LOC400499: variants seen among roughly 807,000 people sequenced by gnomAD.
chr16:11,445,240 G>C, the LOC400499 span, among the ~76,000 whole-genome samples: 1 of 152,072 alleles, frequency 6.6e-6, no homozygotes, highest in South Asian at 2.1e-4. Context: ...GGCCAACATG[G>C]TAAAACCCAG....
chr16:11,526,256 AC>A, the LOC400499 span, among the ~76,000 whole-genome samples: 5 of 152,206 alleles, frequency 3.3e-5, no homozygotes, highest in Middle Eastern at 6.3e-3. Flanking sequence ...TAAACAAAAA[AC>A]CAATACTCAA....
chr16:11,384,016 G>A, the LOC400499 span: 1 of 1,231,798 alleles, frequency 8.1e-7, no homozygotes, highest in Non-Finnish European at 1.0e-6. Flanking sequence ...CACCTGGCAG[G>A]ATGGATGCAA....
At chr16:11,511,568 C>T in the LOC400499 span, among the ~76,000 whole-genome samples, 6 of 152,176 alleles carry the variant, frequency 3.9e-5, no homozygotes, top group African/African-American at 1.4e-4. Flanking sequence ...AAACACCGTG[C>T]TGAGTGAAAA....
At chr16:11,379,369 T>G in the LOC400499 span, among the ~76,000 whole-genome samples, 1 of 152,226 alleles carries the variant, frequency 6.6e-6, no homozygotes, top group African/African-American at 2.4e-5. Context: ...GCATGTACAT[T>G]TATAACTGTT....
the LOC400499 span, among the ~76,000 whole-genome samples, chr16:11,404,537 G>T: frequency 6.6e-6 from 1 of 152,176 alleles, no homozygotes; most frequent in East Asian, 1.9e-4. Flanking sequence ...AGTAGAGATG[G>T]GGTTTCACCA....
the LOC400499 span, chr16:11,477,888 G>A: frequency 1.3e-5 from 5 of 398,932 alleles, no homozygotes; most frequent in African/African-American, 6.2e-5. Context: ...CCTCGGACCC[G>A]GATGCTGATG....
chr16:11,408,733 G>C, the LOC400499 span, among the ~76,000 whole-genome samples: 2 of 152,246 alleles, frequency 1.3e-5, no homozygotes, highest in East Asian at 3.9e-4. Context: ...AAAGTGTTGT[G>C]ATTATGAGTG....
the LOC400499 span, among the ~76,000 whole-genome samples, chr16:11,432,933 G>C: frequency 6.6e-6 from 1 of 152,194 alleles, no homozygotes; most frequent in African/African-American, 2.4e-5. Context: ...ACTACTTTGA[G>C]CAGCTTCCCA....
At chr16:11,387,623 T>G in the LOC400499 span, among the ~76,000 whole-genome samples, 1 of 138,468 alleles carries the variant, frequency 7.2e-6, no homozygotes, top group African/African-American at 2.5e-5. Context: ...GGACAGGAGC[T>G]GGAAGGTCTA....
At chr16:11,424,436 G>A in the LOC400499 span, 1 of 398,852 alleles carries the variant, frequency 2.5e-6, no homozygotes, top group East Asian at 3.6e-5. Context: ...GAACATGACG[G>A]GGGCCTGGCC....
the LOC400499 span, among the ~76,000 whole-genome samples, chr16:11,432,868 C>A: frequency 3.9e-5 from 6 of 152,210 alleles, no homozygotes; most frequent in Non-Finnish European, 8.8e-5. Context: ...GCCAAATCTT[C>A]AGCTGAGCTC....
the LOC400499 span, among the ~76,000 whole-genome samples, chr16:11,435,092 G>A: frequency 1.5e-3 from 227 of 152,108 alleles, no homozygotes; most frequent in African/African-American, 5.3e-3. Flanking sequence ...CAATCCTCTC[G>A]CCTCAGCCTC....
the LOC400499 span, among the ~76,000 whole-genome samples, chr16:11,395,132 G>A: frequency 6.6e-6 from 1 of 152,194 alleles, no homozygotes; most frequent in African/African-American, 2.4e-5. Flanking sequence ...GTTGGCCCTG[G>A]ATGGCTCCCA....
the LOC400499 span, among the ~76,000 whole-genome samples, chr16:11,427,751 G>A: frequency 6.6e-6 from 1 of 152,290 alleles, no homozygotes; most frequent in East Asian, 1.9e-4. Flanking sequence ...CAGCTGAGAT[G>A]TGCACATTTC....
chr16:11,518,410 G>A, the LOC400499 span, among the ~76,000 whole-genome samples: 4 of 152,126 alleles, frequency 2.6e-5, no homozygotes, highest in African/African-American at 9.7e-5. Flanking sequence ...GGTCACAAAA[G>A]AGGGGCTTAG....
chr16:11,449,821 C>T, the LOC400499 span, among the ~76,000 whole-genome samples: 1 of 152,232 alleles, frequency 6.6e-6, no homozygotes, highest in Non-Finnish European at 1.5e-5. Flanking sequence ...CTTTCCTTCA[C>T]TCCTTCCCCA....
chr16:11,447,199 C>G, the LOC400499 span, among the ~76,000 whole-genome samples: 1 of 152,230 alleles, frequency 6.6e-6, no homozygotes, highest in African/African-American at 2.4e-5. Flanking sequence ...TGGTGTCACA[C>G]AGACTGGGAT....
At chr16:11,426,540 G>C in the LOC400499 span, among the ~76,000 whole-genome samples, 1 of 152,004 alleles carries the variant, frequency 6.6e-6, no homozygotes, top group Middle Eastern at 3.4e-3. Flanking sequence ...ATGAGAACAA[G>C]GTAAGAATTT....
At chr16:11,493,697 C>T in the LOC400499 span, 1 of 397,238 alleles carries the variant, frequency 2.5e-6, no homozygotes. Context: ...AGCCGGATCT[C>T]GGGTGTGCTG....
Sources: gnomAD v4.1 joint callset for allele counts (sites outside exome capture counted in the v4.1 genomes callset) on GRCh38, gnomAD v4.1.1 for gene constraint, MANE v1.5 for transcripts.